Variants in LINGO2 observed in about 807,000 individuals in gnomAD.
LINGO2 encodes the protein leucine rich repeat and Ig domain containing 2.
A neutral mutation model predicts 30.6 loss-of-function variants in LINGO2; 14 were observed. That is an observed-to-expected ratio of 0.46 (90% CI 0.30 to 0.72). The LOEUF (loss-of-function observed/expected upper bound fraction) is 0.72. LINGO2 is among the 30% of genes least tolerant of loss of function. LINGO2 has a pLI of 0.07. For synonymous variants in LINGO2, 317 were observed against 288.5 expected (o/e 1.10, Z -1.00); for missense variants, 729 against 751.7 (o/e 0.97, Z 0.35).
chr9:28,240,747 G>A (rs1227404880), intron 4 of LINGO2, among the ~76,000 whole-genome samples: 1 of 152,074 alleles, frequency 6.6e-6, no homozygotes, highest in Non-Finnish European at 1.5e-5. Flanking sequence ...AATTTCTTGA[G>A]TAATATCCCA....
chr9:28,799,505 T>C, the LINGO2 span, among the ~76,000 whole-genome samples: 1 of 152,240 alleles, frequency 6.6e-6, no homozygotes, highest in Admixed American at 6.5e-5. Context: ...AAGATCAAGT[T>C]ATCCAATATT....
chr9:28,100,975 G>C lies in LINGO2; in HGVS notation c.-86-88570C>G, dbSNP rs559549920. On this transcript the variant is annotated intron_variant, in intron 4 of 5. Transcript: ENST00000379992. Reference sequence around the variant, plus strand: ...ATATATGAGTAAATGAAGATACACAGATAAGGGTAGAGTTGAGAGGAAGCT... The same window carrying C: ...ATATATGAGTAAATGAAGATACACACATAAGGGTAGAGTTGAGAGGAAGCT... Among the ~76,000 whole-genome samples, 13 of 152,196 alleles carry C rather than the reference G, an allele frequency of 8.5e-5. No individual in the cohort carries two copies. The South Asian group carries it at 2.7e-3, about 32-fold the overall frequency.
At chr9:28,736,596 C>A in the LINGO2 span, among the ~76,000 whole-genome samples, 1 of 151,860 alleles carries the variant, frequency 6.6e-6, no homozygotes, top group African/African-American at 2.4e-5. Flanking sequence ...TTCGAGACCA[C>A]CCTGGTCAAT....
At chr9:28,725,386 C>A in the LINGO2 span, among the ~76,000 whole-genome samples, 1 of 151,086 alleles carries the variant, frequency 6.6e-6, no homozygotes, top group African/African-American at 2.4e-5. Flanking sequence ...GGGAGGAATG[C>A]AAAATGATTA....
the LINGO2 span, among the ~76,000 whole-genome samples, chr9:28,799,980 A>G: frequency 6.6e-6 from 1 of 152,036 alleles, no homozygotes; most frequent in African/African-American, 2.4e-5. Flanking sequence ...TTTTTTTTTC[A>G]TAACAATGAC....
the LINGO2 span, among the ~76,000 whole-genome samples, chr9:29,053,300 G>A: frequency 1.3e-5 from 2 of 152,132 alleles, no homozygotes; most frequent in Non-Finnish European, 1.5e-5. Flanking sequence ...CATTTTAATG[G>A]CATATATGGA....
chr9:28,849,979 A>T, the LINGO2 span, among the ~76,000 whole-genome samples: 1 of 152,044 alleles, frequency 6.6e-6, no homozygotes, highest in Non-Finnish European at 1.5e-5. Context: ...AACCTAGCAC[A>T]TTCTTCTAAG....
intron 4 of LINGO2, among the ~76,000 whole-genome samples, chr9:28,291,899 C>T (rs2134170827): frequency 6.6e-6 from 1 of 152,242 alleles, no homozygotes; most frequent in East Asian, 1.9e-4. Flanking sequence ...TTAGGCAAGT[C>T]ATCAGCAAAC....
chr9:28,910,207 T>C, the LINGO2 span, among the ~76,000 whole-genome samples: 1 of 152,102 alleles, frequency 6.6e-6, no homozygotes, highest in African/African-American at 2.4e-5. Context: ...ATCTCTTTTC[T>C]TAAATGTTGA....
chr9:28,486,124 A>G (rs748535510), intron 1 of LINGO2, among the ~76,000 whole-genome samples: 24 of 152,056 alleles, frequency 1.6e-4, no homozygotes, highest in Non-Finnish European at 2.6e-4. Context: ...GGATGAGGAG[A>G]GCTGAGGATA....
At chr9:28,216,432 G>C (rs1325322972) in intron 4 of LINGO2, among the ~76,000 whole-genome samples, 3 of 151,834 alleles carry the variant, frequency 2.0e-5, no homozygotes, top group Non-Finnish European at 4.4e-5. Flanking sequence ...AGAAAGAGTA[G>C]AAAAAAGAAT....
chr9:28,364,027 G>T (rs1820558641), intron 3 of LINGO2, among the ~76,000 whole-genome samples: 1 of 150,500 alleles, frequency 6.6e-6, no homozygotes, highest in Admixed American at 6.6e-5. Flanking sequence ...TTTGGGTAAA[G>T]ATGGCTGTTA....
In LINGO2 at chr9:28,129,693, C is replaced by T. The variant is rs1420679462; in HGVS notation, c.-86-117288G>A. ...ATCCAAATTAGTTTTTATTAGTGGT[C>T]CCATTGTAAATTTGAAAATTTCATT... On this transcript the variant is annotated intron_variant, in intron 4 of 5. Coordinates refer to ENST00000379992, the Ensembl canonical transcript of LINGO2. The surrounding 1 kb of genome is among the most constrained non-coding windows in gnomAD (Gnocchi z 4.0). 6.6e-6 allele frequency: 1 copy of T among 152,112 alleles called. No homozygotes were observed. Among genetic ancestry groups the T allele is most frequent in the African/African-American group, 2.4e-5 (1 of 41,406 alleles). 9.4% of individuals were successfully genotyped at this position (152,112 alleles called of 1,614,324 possible).
intron 1 of LINGO2, among the ~76,000 whole-genome samples, chr9:28,520,398 GA>G (rs1820785026): frequency 6.6e-6 from 1 of 151,974 alleles, no homozygotes; most frequent in South Asian, 2.1e-4. Context: ...CCTTCTTTAT[GA>G]CATTTAATAT....
chr9:28,746,776 G>A, the LINGO2 span, among the ~76,000 whole-genome samples: 1 of 152,054 alleles, frequency 6.6e-6, no homozygotes, highest in African/African-American at 2.4e-5. Flanking sequence ...TGATTTTTAT[G>A]ACAGTGGGCT....
the LINGO2 span, among the ~76,000 whole-genome samples, chr9:28,982,135 C>T: frequency 1.3e-5 from 2 of 152,038 alleles, no homozygotes; most frequent in Non-Finnish European, 2.9e-5. Context: ...ATTCAAATTT[C>T]TAAACATCAT....
rs563342188 is a variant in LINGO2 at position 28,339,350 on chromosome 9, G to T, written c.-246+33486C>A. The stretch of plus-strand genomic sequence containing the variant: ...ATTTCCAAAAAACTATTTATAGTAG[G>T]TTGTATTTAGAAAGTGAAAATTGAA... On this transcript the variant is annotated intron_variant, in intron 3 of 5. Coordinates refer to ENST00000379992, the Ensembl canonical transcript of LINGO2. Among the ~76,000 whole-genome samples the T allele has an allele frequency of 4.6e-5, 7 of 152,200 alleles. No individual in the cohort carries two copies. In the East Asian group the frequency reaches 1.4e-3, roughly 29 times the overall value.
chr9:28,457,038 T>C (rs1824877318), intron 2 of LINGO2, among the ~76,000 whole-genome samples: 1 of 152,198 alleles, frequency 6.6e-6, no homozygotes, highest in Non-Finnish European at 1.5e-5. Flanking sequence ...ACTGCCAAAG[T>C]GCTATAAACT....
chr9:28,376,661 T>G (rs1013042605), intron 2 of LINGO2, among the ~76,000 whole-genome samples: 11 of 152,162 alleles, frequency 7.2e-5, no homozygotes, highest in Non-Finnish European at 1.2e-4. Context: ...CTCCCTTTCC[T>G]CAGCTTGGGA....
Sources: gnomAD v4.1 joint callset for allele counts (sites outside exome capture counted in the v4.1 genomes callset) on GRCh38, gnomAD v4.1.1 for gene constraint, Gnocchi (gnomAD v3.1) non-coding constraint, MANE v1.5 for transcripts, NCBI Gene and HGNC (gene_info 2026-07-23, HGNC 2026-07-21) for gene names.